The following SRGAP3 variants were observed in gnomAD, a reference collection of about 807,000 sequenced individuals.
The protein encoded by SRGAP3 is SLIT-ROBO Rho GTPase activating protein 3.
In SRGAP3, 39 loss-of-function variants were observed where a neutral mutation model predicts 121.1. The ratio of observed to expected loss-of-function variants is 0.32; its 90% confidence interval spans 0.25 to 0.42. SRGAP3 has a LOEUF of 0.42. Ranked by LOEUF, SRGAP3 falls within the 10% of genes least tolerant of loss-of-function variation. The probability of loss-of-function intolerance (pLI) is 1.00; values close to 1 mark genes in which losing one functional copy is unlikely to be tolerated. For missense variants in SRGAP3, 1,213 were observed against 1,470.6 expected, an observed-to-expected ratio of 0.82 and a Z score of 2.86; for synonymous variants, 601 against 570.0, an observed-to-expected ratio of 1.05 and a Z score of -0.77.
chr3:9,303,138 A>G, intron 3 of SRGAP3, among the ~76,000 whole-genome samples: 1 of 152,072 alleles, frequency 6.6e-6, no homozygotes, highest in Non-Finnish European at 1.5e-5. Context: ...TGTGGCAAGA[A>G]CACGTGCCAG....
chr3:9,305,331 A>G (rs549371646), intron 3 of SRGAP3, among the ~76,000 whole-genome samples: 1 of 146,958 alleles, frequency 6.8e-6, no homozygotes, highest in South Asian at 2.2e-4. Context: ...GGAGGGGCTG[A>G]AGCTACCCAC....
chr3:8,985,642 G>A lies in SRGAP3; in HGVS notation c.3177C>T (p.Pro1059=), dbSNP rs571850803. 3.8e-6 allele frequency: 6 copies of A among 1,595,124 alleles called. No individual in the cohort carries two copies. The highest frequency in any genetic ancestry group is 2.7e-5 in the African/African-American group (2 of 74,862). Residue 1059 remains proline, a synonymous_variant, in exon 22 of 22, where the codon CCC becomes CCT. Transcript: ENST00000383836. The surrounding 1 kb of genome is among the most constrained non-coding windows in gnomAD (Gnocchi z 5.1). ...ACCGGTGCTGGACCACCGGCCGCAC[G>A]GGCCGCATGGGGGGCGGGCGGAGCT... ...GAQLRPPPMR[P]VRPVVQHRSS...
intron 4 of SRGAP3, among the ~76,000 whole-genome samples, 183 bp from the exon 5 acceptor site, chr3:9,064,764 T>G (rs1946343655): frequency 6.6e-6 from 1 of 151,990 alleles, no homozygotes; most frequent in African/African-American, 2.4e-5. Flanking sequence ...GATATGATGA[T>G]GATGGTCATT....
intron 1 of SRGAP3, among the ~76,000 whole-genome samples, chr3:9,135,159 C>G (rs543366911): frequency 6.6e-6 from 1 of 152,336 alleles, no homozygotes; most frequent in East Asian, 1.9e-4. Context: ...CCATCCTGGA[C>G]AGTGCAGAAT....
chr3:9,257,698 CTTTTTTTTTT>C (rs386395913), intron 3 of SRGAP3, among the ~76,000 whole-genome samples: 2 of 73,202 alleles, frequency 2.7e-5, no homozygotes, highest in Non-Finnish European at 5.0e-5. Flanking sequence ...AAAATAGCTC[CTTTTTTTTTT>C]TTTTTTTTTT....
rs566626190 is a variant in SRGAP3 at position 9,303,690 on chromosome 3, T to C, written n.442+22320A>G. 3.9e-5 allele frequency among the ~76,000 whole-genome samples: 6 copies of C among 152,182 alleles called. No homozygotes were observed. In the South Asian group the frequency reaches 8.3e-4, roughly 21 times the overall value. On this transcript the variant is annotated intron_variant and non_coding_transcript_variant, in intron 3 of 3. Coordinates refer to the SRGAP3 transcript ENST00000490889. ...CATGAGGAAGGTATAGAATGACTGC[T>C]CAAGTCACTGGCTTAATCCACAAGA...
chr3:9,277,437 TAA>T (rs35927463), intron 3 of SRGAP3, among the ~76,000 whole-genome samples: 2 of 142,830 alleles, frequency 1.4e-5, no homozygotes, highest in Admixed American at 7.0e-5. Flanking sequence ...CCATCTCTAC[TAA>T]AAAAAAAAAA....
chr3:9,159,248 T>C (rs1950525265), intron 1 of SRGAP3, among the ~76,000 whole-genome samples: 1 of 152,146 alleles, frequency 6.6e-6, no homozygotes, highest in Non-Finnish European at 1.5e-5. Flanking sequence ...CATTTCTTGG[T>C]GCTTGTCAGT....
intron 1 of SRGAP3, among the ~76,000 whole-genome samples, chr3:9,214,157 CAAG>C (rs1435059100): frequency 1.3e-5 from 2 of 151,836 alleles, no homozygotes; most frequent in South Asian, 2.1e-4. Flanking sequence ...CACACACACA[CAAG>C]AATATAAGCT....
At chr3:9,116,801 C>T (rs1270570839) in intron 2 of SRGAP3, among the ~76,000 whole-genome samples, 1 of 152,216 alleles carries the variant, frequency 6.6e-6, no homozygotes, top group African/African-American at 2.4e-5. Flanking sequence ...CTCTGCCACT[C>T]ACCTGTGCTA....
At position 9,142,458 on chromosome 3, in the gene SRGAP3, A is replaced by T. The variant is rs560212106; in HGVS notation, c.68-17541T>A. 2.6e-5 allele frequency among the ~76,000 whole-genome samples: 4 copies of T among 152,384 alleles called. No individual in the cohort carries two copies. The East Asian group carries it at 7.7e-4, about 29-fold the overall frequency. ...AATCCAATCATTCACACTTCGGCTC[A>T]GAGTGAGCACTTACTACCCCTATAT... On this transcript the variant is annotated intron_variant, in intron 1 of 21. Coordinates refer to ENST00000383836, the MANE Select transcript of SRGAP3 (RefSeq NM_014850.4).
intron 3 of SRGAP3, among the ~76,000 whole-genome samples, chr3:9,257,698 CTT>C (rs386395913): frequency 0.072 from 5,176 of 71,914 alleles, 26 homozygotes; most frequent in African/African-American, 0.1. Context: ...AAAATAGCTC[CTT>C]TTTTTTTTTT....
At position 9,296,805 on chromosome 3, in the gene SRGAP3, G is replaced by A. The variant is rs569170632; in HGVS notation, n.442+29205C>T. 3.9e-5 allele frequency among the ~76,000 whole-genome samples: 6 copies of A among 152,334 alleles called. No homozygotes were observed. In the East Asian group the frequency reaches 7.7e-4, roughly 20 times the overall value. ...TGCCTAGCACACAGCACACATCCCT[G>A]AAGTATTAGTGATTATTATCATCCC... is the stretch of plus-strand genomic sequence containing the variant. On this transcript the variant is annotated intron_variant and non_coding_transcript_variant, in intron 3 of 3. Coordinates refer to the SRGAP3 transcript ENST00000490889.
Position 9,095,199 on chromosome 3 carries a change from AT to A in SRGAP3, c.423+9480del, listed in dbSNP as rs757983548. Among the ~76,000 whole-genome samples the A allele has an allele frequency of 9.9e-5, 15 of 151,506 alleles. No homozygotes were observed. In the East Asian group the frequency reaches 2.6e-3, roughly 26 times the overall value. On this transcript the variant is annotated intron_variant, in intron 3 of 21. Transcript: ENST00000383836. The stretch of plus-strand genomic sequence containing the variant: ...TATTCTGGGTGTTAACCTTTTATTG[AT>A]TCTGTGTATGCCAAATATCTTCTCC...
At chr3:8,998,006 TG>T (rs1942515371) in intron 18 of SRGAP3, among the ~76,000 whole-genome samples, 1 of 152,068 alleles carries the variant, frequency 6.6e-6, no homozygotes, top group African/African-American at 2.4e-5. Context: ...CTCAGCCTCC[TG>T]AGTAGCTGGG....
chr3:9,093,429 C>A (rs1487294827), intron 3 of SRGAP3, among the ~76,000 whole-genome samples: 1 of 152,186 alleles, frequency 6.6e-6, no homozygotes, highest in Non-Finnish European at 1.5e-5. Context: ...ACCCATCTAT[C>A]CATCAACCTA....
At chr3:9,292,310 G>C (rs1954883221) in intron 3 of SRGAP3, among the ~76,000 whole-genome samples, 1 of 152,182 alleles carries the variant, frequency 6.6e-6, no homozygotes. Context: ...AGATGGGGCT[G>C]ATGCTGTTGA....
chr3:9,230,047 C>A (rs1213449078), intron 1 of SRGAP3, among the ~76,000 whole-genome samples: 2 of 152,196 alleles, frequency 1.3e-5, no homozygotes, highest in African/African-American at 2.4e-5. Flanking sequence ...TCACTGACAG[C>A]ACTAGAATTT....
intron 3 of SRGAP3, among the ~76,000 whole-genome samples, chr3:9,312,593 G>A (rs888307435): frequency 1.3e-5 from 2 of 152,226 alleles, no homozygotes; most frequent in Non-Finnish European, 2.9e-5. Context: ...AGTCATGAAC[G>A]ACACAATTAG....
Sources: allele counts gnomAD v4.1 joint callset (sites outside exome capture counted in the v4.1 genomes callset), GRCh38; gene constraint gnomAD v4.1.1; non-coding constraint Gnocchi (gnomAD v3.1); transcripts MANE v1.5; gene names NCBI Gene and HGNC (gene_info 2026-07-23, HGNC 2026-07-21).